Variants in HDAC4 observed in about 807,000 individuals in gnomAD.
The protein encoded by HDAC4 is histone deacetylase A.
In HDAC4, 16 loss-of-function variants were observed where a neutral mutation model predicts 135.1. The ratio of observed to expected loss-of-function variants is 0.12; its 90% CI spans 0.08 to 0.18. The LOEUF (loss-of-function observed/expected upper bound fraction) is 0.18, where lower values mean the gene tolerates loss of function less well. Among genes scored for constraint, HDAC4 ranks in the 10% least tolerant of loss-of-function variants. The pLI, the probability that HDAC4 is intolerant of heterozygous loss-of-function variation, is 1.00. For synonymous variants in HDAC4, 685 were observed against 653.4 expected, an observed-to-expected ratio of 1.05 and a Z score of -0.74; for missense variants, 1,143 against 1,511.8, an observed-to-expected ratio of 0.76 and a Z score of 4.05.
Position 239,057,626 on chromosome 2 carries a change from G to A in HDAC4, c.3004-2793C>T, listed in dbSNP as rs1000785105. Among the ~76,000 whole-genome samples the A allele has an allele frequency of 2.0e-5, 3 of 152,222 alleles. No homozygotes were observed. In the East Asian group the frequency reaches 5.8e-4, roughly 29 times the overall value. On this transcript the variant is annotated intron_variant, in intron 24 of 26. Transcript: ENST00000543185. ...TCTTAAGCCAATCAATGTGTCAAGA[G>A]CAAATCCTTGTCAACCCAGAATTGT... is the stretch of plus-strand genomic sequence containing the variant.
intron 2 of HDAC4, among the ~76,000 whole-genome samples, chr2:239,270,213 T>C (rs940880967): frequency 6.6e-6 from 1 of 152,208 alleles, no homozygotes; most frequent in Non-Finnish European, 1.5e-5. Context: ...GTGTGGACCC[T>C]GTGGCCTGTC....
At chr2:239,267,234 C>T (rs1405832375) in intron 2 of HDAC4, among the ~76,000 whole-genome samples, 1 of 152,208 alleles carries the variant, frequency 6.6e-6, no homozygotes, top group Non-Finnish European at 1.5e-5. Context: ...CAGAAAGTTC[C>T]CATCCACTGC....
intron 3 of HDAC4, among the ~76,000 whole-genome samples, chr2:239,190,471 G>A (rs1273017787): frequency 6.6e-6 from 1 of 152,216 alleles, no homozygotes; most frequent in Non-Finnish European, 1.5e-5. Flanking sequence ...GGCTGTTCAA[G>A]GAAAAGCGCG....
chr2:239,269,123 G>A (rs533450318), intron 2 of HDAC4, among the ~76,000 whole-genome samples: 12 of 152,150 alleles, frequency 7.9e-5, no homozygotes, highest in Admixed American at 6.5e-4. Context: ...TCATTCAGAC[G>A]TACATACATT....
chr2:239,175,303 A>C (rs979032278), intron 5 of HDAC4, among the ~76,000 whole-genome samples: 18 of 152,322 alleles, frequency 1.2e-4, no homozygotes, highest in African/African-American at 4.3e-4. Flanking sequence ...GGATGCTCAG[A>C]GCTGACTCAG....
chr2:239,085,043 C>G (rs927393373), intron 19 of HDAC4, among the ~76,000 whole-genome samples: 6 of 81,450 alleles, frequency 7.4e-5, no homozygotes, highest in African/African-American at 2.3e-4. Flanking sequence ...GACAGACAGA[C>G]ACACACACAC....
rs573373784 is a variant in HDAC4 at position 239,307,304 on chromosome 2, G to C, written c.22+45374C>G. On this transcript the variant is annotated intron_variant, in intron 2 of 26. Coordinates refer to ENST00000543185, the MANE Select transcript of HDAC4 (RefSeq NM_001378414.1). This position sits in a 1 kb window ranked among gnomAD's most constrained non-coding sequence, Gnocchi z 4.8. ...GACCATGGGCTACTTTCAGAAACAA[G>C]AGGGTGTTCTGTTTAGAAGCAGAGA... Among the ~76,000 whole-genome samples, 121 of 152,286 alleles carry C rather than the reference G, an allele frequency of 7.9e-4. No individual in the cohort carries two copies. Among genetic ancestry groups the C allele is most frequent in the African/African-American group, 2.9e-3 (120 of 41,572 alleles).
intron 2 of HDAC4, among the ~76,000 whole-genome samples, chr2:239,278,473 C>G (rs2050519603): frequency 6.6e-6 from 1 of 152,142 alleles, no homozygotes; most frequent in Non-Finnish European, 1.5e-5. Context: ...CCCAGGAGTT[C>G]GAGACCAGCT....
At chr2:239,062,422 G>A (rs1263649650) in intron 24 of HDAC4, among the ~76,000 whole-genome samples, 3 of 152,252 alleles carry the variant, frequency 2.0e-5, no homozygotes, top group Admixed American at 6.5e-5. Flanking sequence ...GCAGAGGGGC[G>A]GGGCCCAGGC....
At chr2:239,177,480 G>C (rs1324763138) in intron 4 of HDAC4, among the ~76,000 whole-genome samples, 1 of 152,228 alleles carries the variant, frequency 6.6e-6, no homozygotes, top group Non-Finnish European at 1.5e-5. Context: ...CCTCTGCGGG[G>C]GTGAGGTAGG....
At chr2:239,273,179 C>T (rs1438361741) in intron 2 of HDAC4, among the ~76,000 whole-genome samples, 1 of 152,072 alleles carries the variant, frequency 6.6e-6, no homozygotes, top group Non-Finnish European at 1.5e-5. Flanking sequence ...CACAGCAGAG[C>T]AAGGAAGCAA....
intron 4 of HDAC4, chr2:239,186,732 T>C (rs2044573339): frequency 6.6e-6 from 1 of 152,352 alleles, no homozygotes; most frequent in African/African-American, 2.4e-5. Flanking sequence ...TGAAGCCAGC[T>C]CCTGGGGCAC....
rs147360509 is a variant in HDAC4, at chr2:239,307,631, G to A, written c.22+45047C>T. ...AACTTGGTTTTCCAAATAGCCAAACGACAACTCCTGCTCAAGAAAACGCAT... is the reference window on the plus strand; with the variant it reads ...AACTTGGTTTTCCAAATAGCCAAACAACAACTCCTGCTCAAGAAAACGCAT... On this transcript the variant is annotated intron_variant, in intron 2 of 26. Transcript: ENST00000543185. This position sits in a 1 kb window ranked among gnomAD's most constrained non-coding sequence, Gnocchi z 4.8. 1.3e-3 allele frequency among the ~76,000 whole-genome samples: 203 copies of A among 152,266 alleles called. No homozygotes were observed. The highest frequency in any genetic ancestry group is 4.8e-3 in the African/African-American group (198 of 41,542).
chr2:239,131,328 T>C (rs894468349), intron 11 of HDAC4, among the ~76,000 whole-genome samples: 1 of 151,832 alleles, frequency 6.6e-6, no homozygotes, highest in Non-Finnish European at 1.5e-5. Flanking sequence ...TTTGATATCC[T>C]ATACACCTAT....
chr2:239,383,268 C>A (rs1391087903), intron 1 of HDAC4, among the ~76,000 whole-genome samples: 1 of 152,186 alleles, frequency 6.6e-6, no homozygotes, highest in East Asian at 1.9e-4. Flanking sequence ...AAGCAGGAGG[C>A]CCTGGCACTG....
At chr2:239,195,283 C>T (rs372888047) in intron 3 of HDAC4, among the ~76,000 whole-genome samples, 3 of 152,244 alleles carry the variant, frequency 2.0e-5, no homozygotes, top group Non-Finnish European at 2.9e-5. Context: ...CAGCAGCACA[C>T]GCCGCCTGCA....
intron 2 of HDAC4, among the ~76,000 whole-genome samples, chr2:239,244,590 A>G (rs903527398): frequency 6.6e-6 from 1 of 152,220 alleles, no homozygotes; most frequent in Non-Finnish European, 1.5e-5. Context: ...CAATTAAATT[A>G]TAAAAGGAAG....
At chr2:239,279,978 C>G (rs2050611501) in intron 2 of HDAC4, among the ~76,000 whole-genome samples, 1 of 152,150 alleles carries the variant, frequency 6.6e-6, no homozygotes, top group South Asian at 2.1e-4. Flanking sequence ...CGGATCCCAC[C>G]TCTCGGGAGC....
In HDAC4 at chr2:239,306,823, C is replaced by A. The variant is rs926334596; in HGVS notation, c.22+45855G>T. 4.6e-5 allele frequency among the ~76,000 whole-genome samples: 7 copies of A among 152,116 alleles called. No individual in the cohort carries two copies. Among genetic ancestry groups the A allele is most frequent in the African/African-American group, 1.7e-4 (7 of 41,422 alleles). ...AGACCCTGGCCTGGTTTCCCACACA[C>A]CCCCGAGGAGCCAGACAGGATCGAG... On this transcript the variant is annotated intron_variant, in intron 2 of 26. Coordinates refer to ENST00000543185, the MANE Select transcript of HDAC4 (RefSeq NM_001378414.1). The surrounding 1 kb of genome is among the most constrained non-coding windows in gnomAD (Gnocchi z 4.5).
Sources: gnomAD v4.1 joint callset for allele counts (sites outside exome capture counted in the v4.1 genomes callset) on GRCh38, gnomAD v4.1.1 for gene constraint, Gnocchi (gnomAD v3.1) non-coding constraint, MANE v1.5 for transcripts, NCBI Gene and HGNC (gene_info 2026-07-23, HGNC 2026-07-21) for gene names.